COQ7: variants seen among roughly 807,000 people sequenced by gnomAD.
COQ7 encodes NADPH-dependent 3-demethoxyubiquinone 3-hydroxylase, mitochondrial.
In COQ7, 21 loss-of-function variants were observed where a neutral mutation model predicts 25.0. The ratio of observed to expected loss-of-function variants is 0.84; its 90% CI spans 0.60 to 1.21. COQ7 has a LOEUF of 1.21. COQ7 is among the 50% of genes most tolerant of loss of function. The pLI, the probability that COQ7 is intolerant of heterozygous loss-of-function variation, is 0.00. For missense variants in COQ7, 311 were observed against 296.2 expected, an observed-to-expected ratio of 1.05 and a Z score of -0.37; for synonymous variants, 125 against 112.4, an observed-to-expected ratio of 1.11 and a Z score of -0.71.
Position 19,079,968 on chromosome 16 carries a change from A to C in COQ7, c.*1810A>C, listed in dbSNP as rs903157539. On this transcript the variant is annotated 3_prime_UTR_variant, in exon 6 of 6. Transcript: ENST00000321998. ...AGCCAAAGGTTTGAACAAGTTGTGG[A>C]TGGTTTGTAAAAATTAATCTTACAA... 6.6e-6 allele frequency: 1 copy of C among 152,262 alleles called. No homozygotes were observed. Among genetic ancestry groups the C allele is most frequent in the Non-Finnish European group, 1.5e-5 (1 of 68,048 alleles). The allele number at this position is 152,262 out of a possible 1,614,324, so 9.4% of individuals were successfully genotyped here.
downstream of COQ7, among the ~76,000 whole-genome samples, chr16:19,082,744 G>T (rs1963117198): frequency 6.7e-6 from 1 of 149,898 alleles, no homozygotes; most frequent in Non-Finnish European, 1.5e-5. Context: ...TCCAGCCTGG[G>T]CAACAGAGTG....
chr16:19,070,524 G>A (rs1261826534), intron 1 of COQ7, among the ~76,000 whole-genome samples: 1 of 152,028 alleles, frequency 6.6e-6, no homozygotes, highest in Non-Finnish European at 1.5e-5. Context: ...CTTGAGCTCA[G>A]GAGTTCGAGA....
downstream of COQ7, among the ~76,000 whole-genome samples, chr16:19,080,667 CATT>C (rs1963080720): frequency 6.6e-6 from 1 of 151,864 alleles, no homozygotes; most frequent in South Asian, 2.1e-4. Context: ...TAGTGAATAA[CATT>C]AATATATATA....
chr16:19,074,942 C>T (rs1028321196), intron 3 of COQ7, among the ~76,000 whole-genome samples: 5 of 152,176 alleles, frequency 3.3e-5, no homozygotes, highest in South Asian at 4.1e-4. Context: ...TCCCTGACAA[C>T]GATTCTCAAC....
Position 19,078,095 on chromosome 16 carries a change from C to T in COQ7, c.591C>T (p.Ala197=), listed in dbSNP as rs749144290. The part of the protein sequence containing the change: ...DHDAELAPAY[A]VLKSIIQAGC... ...GTTTTTAACAGGCTCCAGCCTATGCCGTCCTGAAGAGCATTATCCAGGCCG... is the reference window on the plus strand; with the variant it reads ...GTTTTTAACAGGCTCCAGCCTATGCTGTCCTGAAGAGCATTATCCAGGCCG... The change falls in exon 6 of 6, where the codon GCC becomes GCT. Residue 197 remains alanine, a synonymous_variant. Transcript: ENST00000321998. The T allele has an allele frequency of 1.6e-5, 26 of 1,607,056 alleles. No individual in the cohort carries two copies. The East Asian group carries it at 2.0e-4, about 13-fold the overall frequency.
downstream of COQ7, among the ~76,000 whole-genome samples, chr16:19,081,279 A>C (rs139847563): frequency 4.6e-5 from 7 of 152,218 alleles, no homozygotes; most frequent in East Asian, 1.3e-3. Context: ...CATAAGTGCA[A>C]CAAGAATCCA....
chr16:19,071,804 G>T lies in COQ7; in HGVS notation c.74-124G>T, dbSNP rs1962570411. Reference sequence around the variant, plus strand: ...TGTAGGTTAAACAGAGTCCGTTTATGGGCACGCCTGGCCCATGGGGAACTG... The same window carrying T: ...TGTAGGTTAAACAGAGTCCGTTTATTGGCACGCCTGGCCCATGGGGAACTG... On this transcript the variant is annotated intron_variant, in intron 1 of 5. Transcript: ENST00000321998. 6 of 987,480 alleles carry T rather than the reference G, an allele frequency of 6.1e-6. No individual in the cohort carries two copies. The South Asian group carries it at 7.3e-5, about 12-fold the overall frequency. The allele number at this position is 987,480 out of a possible 1,614,324, so 61.2% of individuals were successfully genotyped here. A position where few individuals can be genotyped will look rare whatever the true frequency, so the allele number is the denominator to read the frequency against.
intron 3 of COQ7, among the ~76,000 whole-genome samples, chr16:19,074,395 C>T (rs965856800): frequency 2.6e-5 from 4 of 151,780 alleles, no homozygotes; most frequent in Admixed American, 1.3e-4. Flanking sequence ...CATGGTGGTG[C>T]GTGCCTGTAA....
intron 2 of COQ7, among the ~76,000 whole-genome samples, chr16:19,073,623 C>T (rs1962678592): frequency 1.3e-5 from 2 of 152,256 alleles, no homozygotes; most frequent in South Asian, 4.1e-4. Flanking sequence ...TGTGTGTAGA[C>T]CCTTGTCATT....
intron 5 of COQ7, among the ~76,000 whole-genome samples, chr16:19,077,589 G>GTTTTTTTTTTTTTTTTTTT (rs1413837387): frequency 2.7e-4 from 5 of 18,602 alleles, no homozygotes; most frequent in Non-Finnish European, 9.2e-4. Flanking sequence ...TTCCCCAGAA[G>GTTTTTTTTTTTTTTTTTTT]CTTTTTTTTT....
In COQ7 at chr16:19,078,229, T is replaced by G. The variant is rs142332343; in HGVS notation, c.*71T>G. 1.0e-4 allele frequency: 120 copies of G among 1,146,354 alleles called. No homozygotes were observed. The highest frequency in any genetic ancestry group is 1.4e-4 in the Non-Finnish European group (111 of 784,206). 71.0% of individuals were successfully genotyped at this position (1,146,354 alleles called of 1,614,324 possible). The stretch of plus-strand genomic sequence containing the variant: ...CAAGTGACATTTGCAGAGAAACAGG[T>G]GTACAGTTATCGTTGTACTTTTGTA... On this transcript the variant is annotated 3_prime_UTR_variant, in exon 6 of 6. Transcript: ENST00000321998.
At chr16:19,070,335 A>AT (rs1364497667) in intron 1 of COQ7, among the ~76,000 whole-genome samples, 1 of 152,174 alleles carries the variant, frequency 6.6e-6, no homozygotes, top group Non-Finnish European at 1.5e-5. Context: ...TCTAAAATGA[A>AT]TTTTTTCCAC....
rs1962963333 is a variant in COQ7, at chr16:19,078,206, A to G, written c.*48A>G. ...TATAAAAGATGATAGTAATTTACCA[A>G]GTGACATTTGCAGAGAAACAGGTGT... On this transcript the variant is annotated 3_prime_UTR_variant, in exon 6 of 6. Transcript: ENST00000321998. 2 of 1,458,824 alleles carry G rather than the reference A, an allele frequency of 1.4e-6. No individual in the cohort carries two copies. The highest frequency in any genetic ancestry group is 1.9e-6 in the Non-Finnish European group (2 of 1,051,592). 90.4% of individuals were successfully genotyped at this position (1,458,824 alleles called of 1,614,324 possible).
At chr16:19,069,464 G>A (rs960015578) in intron 1 of COQ7, among the ~76,000 whole-genome samples, 4 of 141,376 alleles carry the variant, frequency 2.8e-5, no homozygotes, top group Middle Eastern at 4.0e-3. Flanking sequence ...AGGCTGGAGT[G>A]CAGTGGCGCG....
At chr16:19,068,370 G>T in intron 1 of COQ7, 7 of 989,608 alleles carry the variant, frequency 7.1e-6, no homozygotes, top group Non-Finnish European at 8.4e-6. Flanking sequence ...ATTGTCATGA[G>T]CCCGGGCGCG....
In COQ7 at chr16:19,072,085, CA is replaced by C; in HGVS notation, c.232del (p.Ser78AlafsTer17). On this transcript the variant is annotated frameshift_variant, in exon 2 of 6. Coordinates refer to ENST00000321998, the MANE Select transcript of COQ7 (RefSeq NM_016138.5). LOFTEE classifies it high-confidence loss of function. The stretch of plus-strand genomic sequence containing the variant: ...GGCAGATGGCTGTCCTGGGTCGGAC[CA>C]GCGTCGGGCCAGTCATTCAGGTGGG... ...AGQMAVLGRTSVGPVIQKMWD... is the reference protein window; with the variant it reads ...AGQMAVLGRTXVGPVIQKMWD... 6.2e-7 allele frequency: 1 copy of C among 1,614,146 alleles called. No homozygotes were observed. The highest frequency in any genetic ancestry group is 1.3e-5 in the African/African-American group (1 of 75,034).
intron 5 of COQ7, among the ~76,000 whole-genome samples, 157 bp from the exon 6 acceptor site, chr16:19,077,924 C>T (rs569273252): frequency 1.3e-5 from 2 of 152,228 alleles, no homozygotes; most frequent in Non-Finnish European, 2.9e-5. Flanking sequence ...CAGAGGCATT[C>T]CGACCTTTTG....
intron 1 of COQ7, among the ~76,000 whole-genome samples, chr16:19,071,608 G>C (rs1343509601): frequency 6.6e-6 from 1 of 152,246 alleles, no homozygotes; most frequent in Non-Finnish European, 1.5e-5. Flanking sequence ...TACAGCCTGG[G>C]CTGGGGCGAA....
At chr16:19,080,415 TAAA>T (rs1353764960), downstream of COQ7, among the ~76,000 whole-genome samples, 4 of 152,226 alleles carry the variant, frequency 2.6e-5, no homozygotes, top group Admixed American at 6.5e-5. Flanking sequence ...TTGTGCTTTT[TAAA>T]AAAGTTTTTG....
Sources: gnomAD v4.1 joint callset for allele counts (sites outside exome capture counted in the v4.1 genomes callset) on GRCh38, gnomAD v4.1.1 for gene constraint, MANE v1.5 for transcripts, NCBI Gene and HGNC (gene_info 2026-07-23, HGNC 2026-07-21) for gene names.